The following PIK3C2G variants were observed in gnomAD, a reference collection of about 807,000 sequenced individuals.
PIK3C2G encodes phosphatidylinositol-4-phosphate 3-kinase catalytic subunit type 2 gamma.
Under a neutral mutation model 181.1 loss-of-function variants are expected in PIK3C2G, and 168 were observed. The ratio of observed to expected loss-of-function variants is 0.93; its 90% confidence interval spans 0.82 to 1.05. PIK3C2G has a LOEUF of 1.05. Ranked by LOEUF, PIK3C2G falls within the 50% of genes least tolerant of loss-of-function variation. The pLI is 0.00. For missense variants in PIK3C2G, 1,869 were observed against 1,732.8 expected (o/e 1.08, Z -1.40); for synonymous variants, 573 against 592.2 (o/e 0.97, Z 0.47).
At chr12:18,705,232 A>G in the PIK3C2G span, 2 of 1,613,996 alleles carry the variant, frequency 1.2e-6, no homozygotes, top group Non-Finnish European at 1.7e-6. Flanking sequence ...CTCCAAAAGT[A>G]GCCTGCAAAT....
At chr12:18,668,824 T>C in the PIK3C2G span, among the ~76,000 whole-genome samples, 2 of 152,144 alleles carry the variant, frequency 1.3e-5, no homozygotes, top group Non-Finnish European at 2.9e-5. Context: ...TATCTACTCA[T>C]ACATCAGAAT....
intron 18 of PIK3C2G, among the ~76,000 whole-genome samples, chr12:18,487,517 T>C (rs1451517445): frequency 3.3e-5 from 5 of 152,116 alleles, no homozygotes; most frequent in African/African-American, 1.2e-4. Flanking sequence ...TAAAGACCAG[T>C]TAAGATTAAA....
downstream of PIK3C2G, among the ~76,000 whole-genome samples, chr12:18,650,663 AAT>A (rs1491450023): frequency 5.4e-3 from 274 of 50,822 alleles, 3 homozygotes; most frequent in African/African-American, 0.014. Flanking sequence ...CTGGAATATA[AAT>A]GTGTGTGTGT....
intron 31 of PIK3C2G, among the ~76,000 whole-genome samples, chr12:18,634,763 G>C (rs957414715): frequency 6.6e-6 from 1 of 152,176 alleles, no homozygotes; most frequent in South Asian, 2.1e-4. Context: ...GGGGAAAGAG[G>C]CTAATGAGTA....
At chr12:18,465,845 A>G (rs564285622) in intron 18 of PIK3C2G, among the ~76,000 whole-genome samples, 1 of 151,740 alleles carries the variant, frequency 6.6e-6, no homozygotes, top group African/African-American at 2.4e-5. Flanking sequence ...CTCAACTTTT[A>G]TTGCTTGGGA....
intron 26 of PIK3C2G, among the ~76,000 whole-genome samples, chr12:18,552,267 G>A (rs1279855988): frequency 6.6e-6 from 1 of 152,062 alleles, no homozygotes; most frequent in African/African-American, 2.4e-5. Context: ...CACGGCTAGG[G>A]TGTGAGACAA....
chr12:18,404,343 A>C (rs1219983150), intron 16 of PIK3C2G, among the ~76,000 whole-genome samples: 1 of 152,160 alleles, frequency 6.6e-6, no homozygotes, highest in Admixed American at 6.6e-5. Flanking sequence ...TGTACAGACA[A>C]ATTGGTAGGC....
intron 32 of PIK3C2G, among the ~76,000 whole-genome samples, chr12:18,644,502 A>G (rs1433004577): frequency 6.6e-6 from 1 of 152,206 alleles, no homozygotes; most frequent in Non-Finnish European, 1.5e-5. Context: ...GGAAAATTAG[A>G]AAGAACAGAA....
the PIK3C2G span, among the ~76,000 whole-genome samples, chr12:18,662,893 C>T: frequency 1.3e-5 from 2 of 151,746 alleles, no homozygotes. Context: ...CATTTAACTA[C>T]AAAAAACATC....
chr12:18,534,307 A>T (rs1290507359), intron 24 of PIK3C2G, among the ~76,000 whole-genome samples: 2 of 152,060 alleles, frequency 1.3e-5, no homozygotes, highest in Non-Finnish European at 2.9e-5. Context: ...TATTATCCGT[A>T]ATATAAGTGT....
the PIK3C2G span, among the ~76,000 whole-genome samples, chr12:18,661,374 AAAAG>A: frequency 1.9e-5 from 2 of 107,030 alleles, no homozygotes; most frequent in African/African-American, 5.5e-5. Flanking sequence ...AAAATAAAAA[AAAAG>A]AGAGAGAGAG....
chr12:18,449,205 T>A (rs1287308749), intron 18 of PIK3C2G, among the ~76,000 whole-genome samples: 3 of 152,168 alleles, frequency 2.0e-5, no homozygotes, highest in Non-Finnish European at 2.9e-5. Context: ...TTGGTCTATG[T>A]CTCTGCTTTC....
intron 13 of PIK3C2G, among the ~76,000 whole-genome samples, chr12:18,374,712 AGT>A (rs1301661308): frequency 1.3e-5 from 2 of 152,152 alleles, no homozygotes; most frequent in Admixed American, 6.5e-5. Flanking sequence ...TATGGTCCTC[AGT>A]GTTGGAGGTG....
At chr12:18,688,899 A>G in the PIK3C2G span, among the ~76,000 whole-genome samples, 22 of 152,210 alleles carry the variant, frequency 1.4e-4, no homozygotes, top group African/African-American at 5.1e-4. Context: ...CATAATTCCA[A>G]TTTCTGAAGG....
chr12:18,416,927 C>T (rs1945214369), intron 16 of PIK3C2G, among the ~76,000 whole-genome samples: 1 of 152,120 alleles, frequency 6.6e-6, no homozygotes, highest in South Asian at 2.1e-4. Context: ...CTACAGCTGC[C>T]ATAGACAGTG....
chr12:18,326,538 A>T (rs1263508149), intron 8 of PIK3C2G, among the ~76,000 whole-genome samples: 1 of 152,200 alleles, frequency 6.6e-6, no homozygotes, highest in East Asian at 1.9e-4. Flanking sequence ...ATAAATATGT[A>T]AAGACATGGA....
chr12:18,522,845 C>A (rs1943006014), intron 24 of PIK3C2G, among the ~76,000 whole-genome samples: 1 of 149,724 alleles, frequency 6.7e-6, no homozygotes, highest in Non-Finnish European at 1.5e-5. Flanking sequence ...TTTCTCTCTC[C>A]TCTCCTTTAG....
chr12:18,360,797 T>A (rs1158523957), intron 11 of PIK3C2G, among the ~76,000 whole-genome samples: 1 of 152,162 alleles, frequency 6.6e-6, no homozygotes, highest in Admixed American at 6.5e-5. Flanking sequence ...GAAATGGTCT[T>A]TTCATCTTTT....
At chr12:18,262,568 A>C (rs1163297365) in intron 1 of PIK3C2G, among the ~76,000 whole-genome samples, 1 of 151,884 alleles carries the variant, frequency 6.6e-6, no homozygotes, top group East Asian at 1.9e-4. Context: ...AATTGAGCAT[A>C]AGAAAATAGT....
Sources: allele counts gnomAD v4.1 joint callset (sites outside exome capture counted in the v4.1 genomes callset), GRCh38; gene constraint gnomAD v4.1.1; transcripts MANE v1.5; gene names NCBI Gene and HGNC (gene_info 2026-07-23, HGNC 2026-07-21).